Variants in THSD4 observed in about 807,000 individuals in gnomAD.
The protein encoded by THSD4 is thrombospondin type 1 domain containing 4, also known as thrombospondin type-1 domain-containing protein 4.
In THSD4, 69 loss-of-function variants were observed where a neutral mutation model predicts 119.0. The ratio of observed to expected loss-of-function variants is 0.58; its 90% CI spans 0.48 to 0.71. The LOEUF (loss-of-function observed/expected upper bound fraction) is 0.71. THSD4 is among the 30% of genes least tolerant of loss of function. The pLI is 0.00. For synonymous variants in THSD4, 524 were observed against 540.4 expected (o/e 0.97, Z 0.42); for missense variants, 1,393 against 1,391.1 (o/e 1.00, Z -0.02).
intron 1 of THSD4, among the ~76,000 whole-genome samples, chr15:71,105,852 T>A (rs181660146): frequency 6.6e-6 from 1 of 152,278 alleles, no homozygotes; most frequent in Admixed American, 6.5e-5. Context: ...CTGGCTTGCA[T>A]TTTCCCCTCT....
intron 1 of THSD4, among the ~76,000 whole-genome samples, chr15:71,118,412 C>G (rs1282019898): frequency 1.3e-5 from 2 of 152,114 alleles, no homozygotes; most frequent in African/African-American, 4.8e-5. Flanking sequence ...TCCCACCCAG[C>G]CTTTCTTGCA....
intron 6 of THSD4, among the ~76,000 whole-genome samples, chr15:71,385,549 A>G (rs2140459255): frequency 6.8e-6 from 1 of 147,296 alleles, no homozygotes; most frequent in African/African-American, 2.5e-5. Flanking sequence ...AGTGACTTAT[A>G]GAAACAGCTG....
intron 6 of THSD4, chr15:71,341,139 A>G (rs1242441348): frequency 3.8e-6 from 5 of 1,325,840 alleles, no homozygotes; most frequent in Admixed American, 1.9e-5. Flanking sequence ...TTTTAATTAC[A>G]TTTATTTTAA....
intron 3 of THSD4, among the ~76,000 whole-genome samples, chr15:71,210,373 T>C (rs1567158368): frequency 6.6e-6 from 1 of 152,220 alleles, no homozygotes; most frequent in African/African-American, 2.4e-5. Flanking sequence ...ATAGTTGTTA[T>C]TGGTGTCACT....
intron 3 of THSD4, among the ~76,000 whole-genome samples, chr15:71,156,521 TC>T (rs1363792593): frequency 1.3e-5 from 2 of 152,132 alleles, no homozygotes; most frequent in African/African-American, 4.8e-5. Context: ...CACCTCGGCC[TC>T]CCAAAGTGCT....
chr15:71,326,444 A>T (rs376339210), intron 6 of THSD4, among the ~76,000 whole-genome samples: 152 of 151,574 alleles, frequency 1.0e-3, no homozygotes, highest in African/African-American at 3.3e-3. Flanking sequence ...TGGGAGGCCA[A>T]GGCGGGTGGA....
At chr15:71,344,528 AGGG>A (rs1386825856) in intron 6 of THSD4, among the ~76,000 whole-genome samples, 1 of 152,194 alleles carries the variant, frequency 6.6e-6, no homozygotes, top group African/African-American at 2.4e-5. Flanking sequence ...GCATACATGC[AGGG>A]GGCTGGCTGG....
chr15:71,112,533 G>A (rs1237104671), upstream of THSD4, among the ~76,000 whole-genome samples: 3 of 152,144 alleles, frequency 2.0e-5, no homozygotes, highest in African/African-American at 7.2e-5. Flanking sequence ...AGAACAATGT[G>A]GCTATTTTAT....
chr15:71,507,796 C>A (rs1270207759), intron 7 of THSD4, among the ~76,000 whole-genome samples: 2 of 152,128 alleles, frequency 1.3e-5, no homozygotes, highest in Non-Finnish European at 2.9e-5. Context: ...CACATGCCCT[C>A]CCCATGGAAG....
intron 7 of THSD4, among the ~76,000 whole-genome samples, chr15:71,554,303 A>G (rs1028091340): frequency 5.3e-5 from 8 of 150,122 alleles, no homozygotes; most frequent in South Asian, 2.1e-4. Context: ...CACCGTGTTA[A>G]CCAGGATGGT....
At chr15:71,191,883 C>G (rs867660472) in intron 3 of THSD4, among the ~76,000 whole-genome samples, 2 of 135,426 alleles carry the variant, frequency 1.5e-5, no homozygotes, top group Non-Finnish European at 3.2e-5. Context: ...ACCTCCTATG[C>G]TTTGCCTTCT....
chr15:71,532,939 T>C (rs1171845274), intron 7 of THSD4, among the ~76,000 whole-genome samples: 1 of 152,222 alleles, frequency 6.6e-6, no homozygotes, highest in African/African-American at 2.4e-5. Context: ...TGTAAAGTTT[T>C]CCATTTAGGC....
chr15:71,283,678 A>G (rs771777157), intron 6 of THSD4, among the ~76,000 whole-genome samples: 30 of 152,226 alleles, frequency 2.0e-4, no homozygotes, highest in Non-Finnish European at 3.8e-4. Context: ...AGGTTTAGCA[A>G]CTTGCTAAGA....
At chr15:71,134,621 G>A (rs1255332047) in intron 1 of THSD4, among the ~76,000 whole-genome samples, 1 of 152,242 alleles carries the variant, frequency 6.6e-6, no homozygotes, top group Non-Finnish European at 1.5e-5. Flanking sequence ...TGTGTCGGCA[G>A]CATGTCTAAT....
At chr15:71,423,292 C>T (rs569949652) in intron 7 of THSD4, among the ~76,000 whole-genome samples, 22 of 152,230 alleles carry the variant, frequency 1.4e-4, no homozygotes, top group African/African-American at 4.6e-4. Flanking sequence ...GCTGGGAGTG[C>T]GCTCAGTCAC....
chr15:71,141,332 T>C, intron 1 of THSD4, 117 bp from the exon 2 acceptor site: 2 of 574,526 alleles, frequency 3.5e-6, no homozygotes, highest in East Asian at 6.0e-5. Context: ...GAACCATAAC[T>C]GGGCACTTTT....
intron 6 of THSD4, among the ~76,000 whole-genome samples, chr15:71,321,493 G>T (rs760242698): frequency 6.6e-6 from 1 of 152,114 alleles, no homozygotes; most frequent in Non-Finnish European, 1.5e-5. Context: ...CCAAGATGGC[G>T]CCATTGCACT....
chr15:71,642,719 A>G (rs1166472190), intron 7 of THSD4, among the ~76,000 whole-genome samples: 1 of 150,512 alleles, frequency 6.6e-6, no homozygotes, highest in Admixed American at 6.6e-5. Flanking sequence ...CAAACACCGC[A>G]TGTTCTCACT....
intron 14 of THSD4, 120 bp downstream of exon 14, chr15:71,748,714 A>G: frequency 1.6e-6 from 2 of 1,283,356 alleles, no homozygotes; most frequent in South Asian, 1.5e-5. Flanking sequence ...GGGGGGAAAA[A>G]AAAGGCCCAG....
Sources: allele counts gnomAD v4.1 joint callset (sites outside exome capture counted in the v4.1 genomes callset), GRCh38; gene constraint gnomAD v4.1.1; transcripts MANE v1.5; gene names NCBI Gene and HGNC (gene_info 2026-07-23, HGNC 2026-07-21).